ATXN10: variants seen among roughly 807,000 people sequenced by gnomAD.
The protein encoded by ATXN10 is ataxin-10.
Under a neutral mutation model 52.9 loss-of-function variants are expected in ATXN10, and 28 were observed. The observed-to-expected ratio is 0.53, with a 90% confidence interval of 0.39 to 0.73. The LOEUF (loss-of-function observed/expected upper bound fraction) is 0.73, where lower values mean the gene tolerates loss of function less well. Ranked by LOEUF, ATXN10 falls within the 30% of genes least tolerant of loss-of-function variation. The probability of loss-of-function intolerance (pLI) is 0.00; values close to 1 mark genes in which losing one functional copy is unlikely to be tolerated. For synonymous variants in ATXN10, 226 were observed against 221.5 expected (o/e 1.02, Z -0.18); for missense variants, 565 against 577.0 (o/e 0.98, Z 0.21).
chr22:45,712,314 C>T lies in ATXN10; in HGVS notation c.648-6099C>T, dbSNP rs1924281588. On this transcript the variant is annotated intron_variant, in intron 5 of 11. Coordinates refer to ENST00000252934, the MANE Select transcript of ATXN10 (RefSeq NM_013236.4). This position sits in a 1 kb window ranked among gnomAD's most constrained non-coding sequence, Gnocchi z 4.6. ...GGATGCTGAACAGGGGAAAAAGTGGCAGATATCCACAAGGACTGTCAGTGT... is the reference window on the plus strand; with the variant it reads ...GGATGCTGAACAGGGGAAAAAGTGGTAGATATCCACAAGGACTGTCAGTGT... 6.6e-6 allele frequency among the ~76,000 whole-genome samples: 1 copy of T among 152,202 alleles called. No homozygotes were observed. Among genetic ancestry groups the T allele is most frequent in the Admixed American group, 6.5e-5 (1 of 15,280 alleles).
At chr22:45,751,498 A>T (rs1010902952) in intron 9 of ATXN10, among the ~76,000 whole-genome samples, 9 of 151,850 alleles carry the variant, frequency 5.9e-5, no homozygotes, top group Non-Finnish European at 1.3e-4. Flanking sequence ...TTCCACTGTT[A>T]TATGTGTTTT....
chr22:45,717,274 T>C (rs888713528), intron 5 of ATXN10, among the ~76,000 whole-genome samples: 2 of 152,218 alleles, frequency 1.3e-5, no homozygotes, highest in Non-Finnish European at 2.9e-5. Context: ...CTGTAAATTA[T>C]CTGACTAAAT....
chr22:45,704,380 C>T (rs953490561), intron 5 of ATXN10, among the ~76,000 whole-genome samples: 3 of 150,916 alleles, frequency 2.0e-5, no homozygotes, highest in African/African-American at 4.9e-5. Flanking sequence ...GGGAATATTG[C>T]CATCTTACCT....
Position 45,823,497 on chromosome 22 carries a change from C to T in ATXN10, c.1237+16475C>T, listed in dbSNP as rs889078881. ...CAGTATTTAAAAACCTTCATTTCAC[C>T]CTTGGCTCTGCAGGACCGCCTTGTC... On this transcript the variant is annotated intron_variant, in intron 10 of 11. Coordinates refer to ENST00000252934, the MANE Select transcript of ATXN10 (RefSeq NM_013236.4). This position sits in a 1 kb window ranked among gnomAD's most constrained non-coding sequence, Gnocchi z 4.9. Among the ~76,000 whole-genome samples, 1 of 152,050 alleles carries T rather than the reference C, an allele frequency of 6.6e-6. No homozygotes were observed. The highest frequency in any genetic ancestry group is 1.5e-5 in the Non-Finnish European group (1 of 68,024).
intron 9 of ATXN10, among the ~76,000 whole-genome samples, chr22:45,798,511 A>G (rs1927823526): frequency 6.6e-6 from 1 of 152,232 alleles, no homozygotes; most frequent in Non-Finnish European, 1.5e-5. Context: ...AACTAACAGT[A>G]TAAAGGAACT....
At chr22:45,720,468 C>T (rs1185050905) in intron 6 of ATXN10, among the ~76,000 whole-genome samples, 9 of 152,164 alleles carry the variant, frequency 5.9e-5, no homozygotes, top group Non-Finnish European at 1.2e-4. Flanking sequence ...TCCCCAGTTG[C>T]TGGGAGTACG....
intron 9 of ATXN10, among the ~76,000 whole-genome samples, chr22:45,788,830 G>A (rs1172303055): frequency 3.3e-5 from 5 of 151,846 alleles, no homozygotes; most frequent in Non-Finnish European, 7.4e-5. Flanking sequence ...TTAATTTTTT[G>A]TAGAGATGAG....
chr22:45,672,438 CCCTTGCCGCGG>C (rs1922499435), intron 1 of ATXN10: 1 of 205,892 alleles, frequency 4.9e-6, no homozygotes, highest in Non-Finnish European at 9.4e-6. Context: ...ATCCCGGGAG[CCCTTGCCGCGG>C]CGTGCCGGTG....
At chr22:45,814,106 G>A (rs1378996300) in intron 10 of ATXN10, among the ~76,000 whole-genome samples, 2 of 152,192 alleles carry the variant, frequency 1.3e-5, no homozygotes, top group African/African-American at 4.8e-5. Context: ...AAACAAAAGA[G>A]CTTCTAGAAG....
chr22:45,672,704 C>T (rs988097738), intron 1 of ATXN10: 4 of 152,442 alleles, frequency 2.6e-5, no homozygotes, highest in African/African-American at 9.6e-5. Context: ...GGGCAGCGCT[C>T]TGTGCAGTGT....
intron 10 of ATXN10, among the ~76,000 whole-genome samples, chr22:45,839,635 C>T (rs954575557): frequency 2.6e-5 from 4 of 152,178 alleles, no homozygotes; most frequent in Non-Finnish European, 4.4e-5. Context: ...ATTAAAATAC[C>T]GTGGTAACAG....
rs992806061 is a variant in ATXN10 at position 45,701,830 on chromosome 22, A to G, written c.489-859A>G. 1.3e-5 allele frequency among the ~76,000 whole-genome samples: 2 copies of G among 152,218 alleles called. No homozygotes were observed. Among genetic ancestry groups the G allele is most frequent in the African/African-American group, 2.4e-5 (1 of 41,454 alleles). On this transcript the variant is annotated intron_variant, in intron 4 of 11. Transcript: ENST00000252934. The surrounding 1 kb of genome is among the most constrained non-coding windows in gnomAD (Gnocchi z 4.2). The stretch of plus-strand genomic sequence containing the variant: ...AATAGAAAAACAAGGGAGAGGCTTA[A>G]GTGTAGGTCAGTCAGAGAAGTCTTA...
rs1272183742 is a variant in ATXN10 at position 45,759,271 on chromosome 22, G to A, written c.1173+18733G>A. ...TCACACCTGTAATCCCAACACTTTG[G>A]GAGGCTGAGGTGGGCGGATCACCTG... On this transcript the variant is annotated intron_variant, in intron 9 of 11. Coordinates refer to ENST00000252934, the MANE Select transcript of ATXN10 (RefSeq NM_013236.4). This position sits in a 1 kb window ranked among gnomAD's most constrained non-coding sequence, Gnocchi z 5.4. Among the ~76,000 whole-genome samples the A allele has an allele frequency of 6.6e-6, 1 of 152,182 alleles. No homozygotes were observed. The highest frequency in any genetic ancestry group is 1.5e-5 in the Non-Finnish European group (1 of 68,032).
intron 6 of ATXN10, among the ~76,000 whole-genome samples, chr22:45,720,537 G>C (rs1924610498): frequency 6.6e-6 from 1 of 152,028 alleles, no homozygotes; most frequent in African/African-American, 2.4e-5. Context: ...CGGTTCAGGG[G>C]GTGTGAAGGA....
rs1325189406 is a variant in ATXN10 at position 45,688,147 on chromosome 22, T to A, written c.117-1565T>A. The stretch of plus-strand genomic sequence containing the variant: ...GCTTATGTACTTGTTTCATACAGTT[T>A]ATTGAGGCAAGATTAGTGCTGTACC... On this transcript the variant is annotated intron_variant, in intron 1 of 11. Transcript: ENST00000252934. The surrounding 1 kb of genome is among the most constrained non-coding windows in gnomAD (Gnocchi z 4.0). 6.6e-6 allele frequency among the ~76,000 whole-genome samples: 1 copy of A among 152,224 alleles called. No individual in the cohort carries two copies. The highest frequency in any genetic ancestry group is 1.5e-5 in the Non-Finnish European group (1 of 68,034).
chr22:45,755,881 A>T (rs1288228064), intron 9 of ATXN10, among the ~76,000 whole-genome samples: 1 of 152,166 alleles, frequency 6.6e-6, no homozygotes, highest in South Asian at 2.1e-4. Context: ...CTGTGAACTG[A>T]GCCACATCAG....
rs1357701351 is a variant in ATXN10, at chr22:45,692,972, T to A, written c.309-24T>A. 7 of 1,604,156 alleles carry A rather than the reference T, an allele frequency of 4.4e-6. No homozygotes were observed. In the East Asian group the frequency reaches 1.6e-4, roughly 36 times the overall value. ...TATATGAATGAATGAACATGTCTAA[T>A]TTTGTCTTTTTTAAAAAACCCAGGA... On this transcript the variant is annotated intron_variant, in intron 2 of 11. Coordinates refer to ENST00000252934, the MANE Select transcript of ATXN10 (RefSeq NM_013236.4).
chr22:45,788,078 C>T (rs1184030040), intron 9 of ATXN10, among the ~76,000 whole-genome samples: 2 of 152,068 alleles, frequency 1.3e-5, no homozygotes, highest in South Asian at 2.1e-4. Context: ...TCCATCTACC[C>T]GCTTTAGGAG....
At position 45,766,896 on chromosome 22, in the gene ATXN10, T is replaced by C. The variant is rs1029436337; in HGVS notation, c.1173+26358T>C. ...ACAGAAAAACGCAAAGGTGAAACAG[T>C]GCTCAACTTTGCTCATAAAAAGAAA... is the stretch of plus-strand genomic sequence containing the variant. On this transcript the variant is annotated intron_variant, in intron 9 of 11. Coordinates refer to ENST00000252934, the MANE Select transcript of ATXN10 (RefSeq NM_013236.4). The surrounding 1 kb of genome is among the most constrained non-coding windows in gnomAD (Gnocchi z 4.6). Among the ~76,000 whole-genome samples, 18 of 152,184 alleles carry C rather than the reference T, an allele frequency of 1.2e-4. No homozygotes were observed. Among genetic ancestry groups the C allele is most frequent in the African/African-American group, 4.3e-4 (18 of 41,450 alleles).
Sources: gnomAD v4.1 joint callset for allele counts (sites outside exome capture counted in the v4.1 genomes callset) on GRCh38, gnomAD v4.1.1 for gene constraint, Gnocchi (gnomAD v3.1) non-coding constraint, MANE v1.5 for transcripts, NCBI Gene and HGNC (gene_info 2026-07-23, HGNC 2026-07-21) for gene names.